PDK1: variants seen among roughly 807,000 people sequenced by gnomAD.
The protein encoded by PDK1 is pyruvate dehydrogenase kinase 1.
Under a neutral mutation model 54.2 loss-of-function variants are expected in PDK1, and 39 were observed. The ratio of observed to expected loss-of-function variants is 0.72; its 90% CI spans 0.56 to 0.94. PDK1 has a LOEUF of 0.94. PDK1 is among the 40% of genes least tolerant of loss of function. The probability of loss-of-function intolerance (pLI) is 0.00; values close to 1 mark genes in which losing one functional copy is unlikely to be tolerated. For synonymous variants in PDK1, 221 were observed against 207.1 expected, an observed-to-expected ratio of 1.07 and a Z score of -0.58; for missense variants, 552 against 566.0, an observed-to-expected ratio of 0.98 and a Z score of 0.25.
the PDK1 span, among the ~76,000 whole-genome samples, chr2:172,615,286 C>G: frequency 6.6e-6 from 1 of 152,194 alleles, no homozygotes. Context: ...TTGAGTTGTT[C>G]AGTCACTAGA....
the PDK1 span, among the ~76,000 whole-genome samples, chr2:172,633,766 A>C: frequency 6.6e-6 from 1 of 150,850 alleles, no homozygotes; most frequent in South Asian, 2.1e-4. Context: ...ATTATGACCA[A>C]TGAAAATTTC....
chr2:172,578,705 C>T (rs575296680), intron 8 of PDK1, among the ~76,000 whole-genome samples: 1 of 150,248 alleles, frequency 6.7e-6, no homozygotes, highest in South Asian at 2.1e-4. Flanking sequence ...ATACTGCTGT[C>T]TCCCCAAGGC....
chr2:172,565,535 T>G (rs1688890462), intron 5 of PDK1, among the ~76,000 whole-genome samples: 1 of 152,118 alleles, frequency 6.6e-6, no homozygotes. Flanking sequence ...AACTCCTGCC[T>G]GCCTGCCTGC....
the PDK1 span, among the ~76,000 whole-genome samples, chr2:172,617,282 G>T: frequency 1.3e-5 from 2 of 152,060 alleles, no homozygotes; most frequent in African/African-American, 4.8e-5. Flanking sequence ...TAATACTTAA[G>T]AAAATTAAAT....
At chr2:172,716,567 C>A in the PDK1 span, among the ~76,000 whole-genome samples, 1 of 152,100 alleles carries the variant, frequency 6.6e-6, no homozygotes, top group African/African-American at 2.4e-5. Context: ...TCAGGGGATC[C>A]GCCTGCCTCA....
the PDK1 span, among the ~76,000 whole-genome samples, chr2:172,676,294 T>G: frequency 6.6e-6 from 1 of 152,182 alleles, no homozygotes; most frequent in African/African-American, 2.4e-5. Flanking sequence ...GTAGCTGCTA[T>G]AGATAGTGAT....
chr2:172,566,605 C>T (rs1688958540), intron 5 of PDK1, among the ~76,000 whole-genome samples: 1 of 151,296 alleles, frequency 6.6e-6, no homozygotes, highest in Non-Finnish European at 1.5e-5. Context: ...GTGGTTCATG[C>T]CTGTAATCCT....
At chr2:172,609,809 C>T (rs1228504474), downstream of PDK1, among the ~76,000 whole-genome samples, 7 of 152,080 alleles carry the variant, frequency 4.6e-5, no homozygotes, top group Admixed American at 4.6e-4. Flanking sequence ...ACAGAAAAAG[C>T]ACTCACTACT....
chr2:172,643,231 G>T, the PDK1 span, among the ~76,000 whole-genome samples: 1 of 152,194 alleles, frequency 6.6e-6, no homozygotes, highest in Non-Finnish European at 1.5e-5. Flanking sequence ...AAAGGTGACT[G>T]TTAGCTATTG....
intron 7 of PDK1, 69 bp from the exon 8 acceptor site, chr2:172,570,657 T>G: frequency 1.1e-6 from 1 of 875,900 alleles, no homozygotes; most frequent in Non-Finnish European, 1.9e-6. Flanking sequence ...ATAGTGCATA[T>G]GTACTTGAAA....
chr2:172,635,406 C>G, the PDK1 span, among the ~76,000 whole-genome samples: 2 of 152,166 alleles, frequency 1.3e-5, no homozygotes, highest in African/African-American at 4.8e-5. Context: ...ACCTCCCCCT[C>G]CCGGGTTCAA....
At chr2:172,641,403 G>A in the PDK1 span, among the ~76,000 whole-genome samples, 1 of 151,334 alleles carries the variant, frequency 6.6e-6, no homozygotes, top group Non-Finnish European at 1.5e-5. Flanking sequence ...AAAGTGCTGG[G>A]ATTACAGGTG....
chr2:172,624,624 G>A, the PDK1 span, among the ~76,000 whole-genome samples: 1 of 152,158 alleles, frequency 6.6e-6, no homozygotes, highest in Non-Finnish European at 1.5e-5. Flanking sequence ...TGGAGATGCT[G>A]GGGTCCCATC....
the PDK1 span, among the ~76,000 whole-genome samples, chr2:172,713,299 T>C: frequency 6.6e-6 from 1 of 152,300 alleles, no homozygotes; most frequent in East Asian, 1.9e-4. Context: ...GAAAAAGTAC[T>C]GTAAGTTTTC....
At chr2:172,717,630 T>A in the PDK1 span, among the ~76,000 whole-genome samples, 1 of 152,178 alleles carries the variant, frequency 6.6e-6, no homozygotes, top group Non-Finnish European at 1.5e-5. Flanking sequence ...GTCGGCTCAC[T>A]GCCTCCTGGG....
the PDK1 span, among the ~76,000 whole-genome samples, chr2:172,713,503 G>T: frequency 1.3e-5 from 2 of 152,234 alleles, no homozygotes; most frequent in Admixed American, 6.5e-5. Flanking sequence ...TCTCATGCTT[G>T]TTGGTGCCCA....
At chr2:172,658,903 T>C in the PDK1 span, among the ~76,000 whole-genome samples, 1 of 152,224 alleles carries the variant, frequency 6.6e-6, no homozygotes. Flanking sequence ...CAGCTGAACA[T>C]AGACCCTTAT....
the PDK1 span, among the ~76,000 whole-genome samples, chr2:172,708,276 G>GA: frequency 8.9e-3 from 1,209 of 135,376 alleles, 18 homozygotes; most frequent in African/African-American, 0.03. Flanking sequence ...GCGACAGAGT[G>GA]AAAAAAAAAA....
the PDK1 span, among the ~76,000 whole-genome samples, chr2:172,668,231 A>G: frequency 2.0e-5 from 3 of 152,112 alleles, no homozygotes; most frequent in African/African-American, 7.2e-5. Context: ...ACCAGCAACA[A>G]TTAGGAAAAT....
Sources: allele counts gnomAD v4.1 joint callset (sites outside exome capture counted in the v4.1 genomes callset), GRCh38; gene constraint gnomAD v4.1.1; transcripts MANE v1.5; gene names NCBI Gene and HGNC (gene_info 2026-07-23, HGNC 2026-07-21).